The following FAM185A variants were observed in gnomAD, a reference collection of about 807,000 sequenced individuals.
FAM185A encodes the protein protein FAM185A.
In FAM185A, 21 loss-of-function variants were observed where a neutral mutation model predicts 45.7. That is an observed-to-expected ratio of 0.46 (90% CI 0.33 to 0.66). The LOEUF is 0.66. FAM185A is among the 30% of genes least tolerant of loss of function. The pLI is 0.03. For missense variants in FAM185A, 305 were observed against 485.4 expected (o/e 0.63, Z 3.49); for synonymous variants, 117 against 194.0 (o/e 0.60, Z 3.30).
At chr7:102,848,467 A>G in the FAM185A span, among the ~76,000 whole-genome samples, 2 of 87,696 alleles carry the variant, frequency 2.3e-5, no homozygotes, top group Non-Finnish European at 4.0e-5. Context: ...GAGGCAGGAG[A>G]ATGGCGTGAA....
At chr7:102,790,896 C>T (rs1443887118) in intron 7 of FAM185A, among the ~76,000 whole-genome samples, 13 of 151,842 alleles carry the variant, frequency 8.6e-5, no homozygotes, top group Non-Finnish European at 2.9e-5. Context: ...TCAACACTGC[C>T]GGAAACTAGG....
intron 5 of FAM185A, among the ~76,000 whole-genome samples, chr7:102,773,817 T>C (rs1390432277): frequency 2.0e-5 from 3 of 152,176 alleles, no homozygotes; most frequent in African/African-American, 4.8e-5. Flanking sequence ...CAAATCACTA[T>C]ATAAGTGTGG....
chr7:102,755,976 TA>T, intron 2 of FAM185A: 1 of 453,778 alleles, frequency 2.2e-6, no homozygotes. Flanking sequence ...TAAAAATAAT[TA>T]AAATAATTAA....
At chr7:102,836,368 A>G in the FAM185A span, among the ~76,000 whole-genome samples, 1 of 152,218 alleles carries the variant, frequency 6.6e-6, no homozygotes, top group Non-Finnish European at 1.5e-5. Context: ...CTTTAAACAC[A>G]TATAAGTCAT....
At chr7:102,847,860 A>C in the FAM185A span, among the ~76,000 whole-genome samples, 12 of 152,180 alleles carry the variant, frequency 7.9e-5, no homozygotes, top group Non-Finnish European at 1.8e-4. Flanking sequence ...TGCTTTAAAT[A>C]CTGACCATCA....
downstream of FAM185A, among the ~76,000 whole-genome samples, chr7:102,811,255 T>C (rs1489282783): frequency 6.6e-6 from 1 of 152,234 alleles, no homozygotes; most frequent in African/African-American, 2.4e-5. Flanking sequence ...TTGGATCACA[T>C]TGTTAAGTCC....
At chr7:102,833,427 G>T in the FAM185A span, among the ~76,000 whole-genome samples, 1 of 149,420 alleles carries the variant, frequency 6.7e-6, no homozygotes, top group Non-Finnish European at 1.5e-5. Flanking sequence ...ATCTTTCTGA[G>T]CCTGTTTCCT....
intron 4 of FAM185A, among the ~76,000 whole-genome samples, chr7:102,765,340 T>C (rs1794324550): frequency 6.6e-6 from 1 of 152,122 alleles, no homozygotes; most frequent in East Asian, 1.9e-4. Context: ...TTCCATACAG[T>C]GTTTGGGCTT....
intron 7 of FAM185A, among the ~76,000 whole-genome samples, chr7:102,797,512 A>T (rs551034089): frequency 1.5e-4 from 23 of 152,302 alleles, no homozygotes; most frequent in African/African-American, 5.5e-4. Context: ...CAAAATTAAA[A>T]TATTTTGTTA....
chr7:102,822,351 G>A, the FAM185A span: 8 of 806,684 alleles, frequency 9.9e-6, no homozygotes, highest in African/African-American at 1.0e-4. Flanking sequence ...TAGAGGCTGG[G>A]AAGTCCAAGA....
At chr7:102,813,405 AGAT>A (rs761813127), downstream of FAM185A, 4 of 1,614,126 alleles carry the variant, frequency 2.5e-6, no homozygotes, top group Non-Finnish European at 3.4e-6. Context: ...AGGCTCCTTT[AGAT>A]GATGTTATGT....
At chr7:102,828,180 G>A in the FAM185A span, among the ~76,000 whole-genome samples, 1 of 152,088 alleles carries the variant, frequency 6.6e-6, no homozygotes, top group East Asian at 1.9e-4. Context: ...GGGCAGTATG[G>A]CCATTTTCAC....
intron 6 of FAM185A, among the ~76,000 whole-genome samples, chr7:102,786,378 A>C (rs1330422612): frequency 6.6e-5 from 10 of 152,248 alleles, no homozygotes; most frequent in African/African-American, 2.4e-4. Context: ...AGACATGCAC[A>C]CGTATGTTTA....
the FAM185A span, among the ~76,000 whole-genome samples, chr7:102,833,558 T>C: frequency 1.3e-5 from 2 of 151,446 alleles, no homozygotes; most frequent in Admixed American, 1.3e-4. Flanking sequence ...CTTGTGCCTA[T>C]TGGGACTACA....
chr7:102,844,453 C>A, the FAM185A span, among the ~76,000 whole-genome samples: 1 of 152,136 alleles, frequency 6.6e-6, no homozygotes, highest in Non-Finnish European at 1.5e-5. Flanking sequence ...GCTCCCTTAG[C>A]CTGCCTGCGG....
At chr7:102,829,536 G>A in the FAM185A span, among the ~76,000 whole-genome samples, 3 of 151,984 alleles carry the variant, frequency 2.0e-5, no homozygotes, top group African/African-American at 7.3e-5. Flanking sequence ...CCCACTTCAC[G>A]TCGGTCATGA....
downstream of FAM185A, among the ~76,000 whole-genome samples, chr7:102,813,733 C>T (rs1484710545): frequency 6.6e-6 from 1 of 152,144 alleles, no homozygotes; most frequent in Non-Finnish European, 1.5e-5. Context: ...CTGATTCAGC[C>T]AGTTCAGAAA....
rs1031531799 is a variant in FAM185A at position 102,808,964 on chromosome 7, G to A, written c.*562G>A. On this transcript the variant is annotated 3_prime_UTR_variant, in exon 8 of 8. Transcript: ENST00000413034. ...AGCTGGAAGAATATATACTTTTAAAGGGCTCACTTGATTAGGTCAGGCCCA... is the reference window on the plus strand; with the variant it reads ...AGCTGGAAGAATATATACTTTTAAAAGGCTCACTTGATTAGGTCAGGCCCA... 6.5e-6 allele frequency: 1 copy of A among 153,434 alleles called. No individual in the cohort carries two copies. The highest frequency in any genetic ancestry group is 2.4e-5 in the African/African-American group (1 of 41,438). 9.5% of individuals were successfully genotyped at this position (153,434 alleles called of 1,614,324 possible).
chr7:102,818,610 G>A, the FAM185A span, among the ~76,000 whole-genome samples: 1 of 152,128 alleles, frequency 6.6e-6, no homozygotes, highest in Non-Finnish European at 1.5e-5. Context: ...TGCCTGAGCA[G>A]TAGGGACTGT....
Sources: gnomAD v4.1 joint callset for allele counts (sites outside exome capture counted in the v4.1 genomes callset) on GRCh38, gnomAD v4.1.1 for gene constraint, MANE v1.5 for transcripts, NCBI Gene and HGNC (gene_info 2026-07-23, HGNC 2026-07-21) for gene names.